The following BACH2 variants were observed in gnomAD, a reference collection of about 807,000 sequenced individuals.
BACH2 encodes the protein transcription regulator protein BACH2.
In BACH2, 5 loss-of-function variants were observed where a neutral mutation model predicts 61.8. The observed-to-expected ratio is 0.08, with a 90% CI of 0.04 to 0.17. The LOEUF (loss-of-function observed/expected upper bound fraction) is 0.17. Ranked by LOEUF, BACH2 falls within the 10% of genes least tolerant of loss-of-function variation. The pLI is 1.00. For synonymous variants in BACH2, 446 were observed against 440.1 expected (o/e 1.01, Z -0.17); for missense variants, 824 against 1,091.1 (o/e 0.76, Z 3.45).
At chr6:90,190,287 T>A (rs910620268) in intron 4 of BACH2, among the ~76,000 whole-genome samples, 1 of 152,200 alleles carries the variant, frequency 6.6e-6, no homozygotes, top group East Asian at 1.9e-4. Flanking sequence ...CGTCTGAGAT[T>A]CCAAATAGGA....
At chr6:90,254,366 G>A (rs1441601845) in intron 2 of BACH2, among the ~76,000 whole-genome samples, 2 of 151,904 alleles carry the variant, frequency 1.3e-5, no homozygotes, top group Non-Finnish European at 1.5e-5. Flanking sequence ...TTTAAAATGG[G>A]TATATTAAAG....
intron 5 of BACH2, among the ~76,000 whole-genome samples, chr6:90,021,299 T>TAAA (rs200724602): frequency 1.8e-4 from 18 of 100,232 alleles, no homozygotes; most frequent in African/African-American, 5.6e-4. Flanking sequence ...AGCAAAAAAG[T>TAAA]AAAAAAAAAA....
chr6:90,146,680 A>G (rs1006389648), intron 4 of BACH2, among the ~76,000 whole-genome samples: 10 of 152,224 alleles, frequency 6.6e-5, no homozygotes, highest in Non-Finnish European at 8.8e-5. Context: ...TGAATAATCA[A>G]ATACATTAAT....
intron 6 of BACH2, among the ~76,000 whole-genome samples, chr6:90,007,357 G>A (rs1360146836): frequency 1.3e-5 from 2 of 151,914 alleles, no homozygotes; most frequent in South Asian, 2.1e-4. Context: ...TTTAAAGATG[G>A]GGTCTTGCTA....
At position 90,294,461 on chromosome 6, in the gene BACH2, T is replaced by C. The variant is rs146472610; in HGVS notation, c.-446+2019A>G. Among the ~76,000 whole-genome samples the C allele has an allele frequency of 4.4e-4, 67 of 152,260 alleles. 1 individual carries two copies. The highest frequency in any genetic ancestry group is 1.5e-3 in the African/African-American group (64 of 41,560). ...AAATTTCTTTCAAAAACCAGAATAC[T>C]AGAAGGGAAAACATTTCAGCCACTC... is the stretch of plus-strand genomic sequence containing the variant. On this transcript the variant is annotated intron_variant, in intron 1 of 8. Coordinates refer to ENST00000257749, the MANE Select transcript of BACH2 (RefSeq NM_021813.4).
chr6:90,235,920 C>G (rs1770247769), intron 3 of BACH2, among the ~76,000 whole-genome samples: 2 of 152,196 alleles, frequency 1.3e-5, no homozygotes, highest in Admixed American at 6.5e-5. Context: ...ATGAATTAAT[C>G]TCTCATAAAT....
intron 4 of BACH2, among the ~76,000 whole-genome samples, chr6:90,103,530 G>A (rs1233020580): frequency 6.6e-6 from 1 of 152,208 alleles, no homozygotes; most frequent in Non-Finnish European, 1.5e-5. Flanking sequence ...AAGAAACTCT[G>A]TTACGAAACT....
intron 4 of BACH2, among the ~76,000 whole-genome samples, chr6:90,147,882 C>T (rs1784678263): frequency 6.6e-6 from 1 of 151,932 alleles, no homozygotes; most frequent in African/African-American, 2.4e-5. Flanking sequence ...TCTAGAATGG[C>T]ATGAATTACC....
chr6:90,146,549 T>C (rs2474616), intron 4 of BACH2, among the ~76,000 whole-genome samples: 5,316 of 152,294 alleles, frequency 0.035, 306 homozygotes, highest in African/African-American at 0.12. Flanking sequence ...CCATAACTGA[T>C]GGTCAACTCT....
In BACH2 at chr6:89,932,603, G is replaced by C. The variant is rs139627462; in HGVS notation, c.2331C>G (p.Pro777=). The C allele has an allele frequency of 1.3e-5, 21 of 1,613,732 alleles. No homozygotes were observed. In the African/African-American group the frequency reaches 2.5e-4, roughly 20 times the overall value. Reference sequence around the variant, plus strand: ...TGTTGCTGGGTGCCCAGGGGGGTCCGGGGGGAGCCGCGCCTGGCTCCAAGC... The same window carrying C: ...TGTTGCTGGGTGCCCAGGGGGGTCCCGGGGGAGCCGCGCCTGGCTCCAAGC... The part of the protein sequence containing the change: ...PCCLEPGAAP[P]GPPWAPSNTS... The change falls in exon 9 of 9, where the codon CCC becomes CCG. Residue 777 remains proline, a synonymous_variant. Transcript: ENST00000257749.
chr6:90,147,469 G>A (rs927358074), intron 4 of BACH2, among the ~76,000 whole-genome samples: 23 of 152,134 alleles, frequency 1.5e-4, no homozygotes, highest in African/African-American at 1.7e-4. Context: ...GAGCCGTTCC[G>A]CGGCAGCCAC....
intron 2 of BACH2, among the ~76,000 whole-genome samples, chr6:90,259,681 G>A (rs9359883): frequency 6.6e-6 from 1 of 152,288 alleles, no homozygotes; most frequent in Non-Finnish European, 1.5e-5. Context: ...GAACTCAGCT[G>A]TGAAGCTATC....
intron 6 of BACH2, among the ~76,000 whole-genome samples, chr6:90,006,924 C>T (rs555735298): frequency 6.6e-6 from 1 of 152,120 alleles, no homozygotes; most frequent in East Asian, 1.9e-4. Flanking sequence ...GGCCCCAGTC[C>T]TCATTTTTAT....
chr6:89,932,286 C>G lies in BACH2; in HGVS notation c.*122G>C. The stretch of plus-strand genomic sequence containing the variant: ...TTCGGAACAGTATTGCTGCTAAGAC[C>G]GCTGTAGTGTGCACCAAATGTGTTC... On this transcript the variant is annotated 3_prime_UTR_variant, in exon 9 of 9. Coordinates refer to ENST00000257749, the MANE Select transcript of BACH2 (RefSeq NM_021813.4). The G allele has an allele frequency of 7.6e-7, 1 of 1,307,462 alleles. No individual in the cohort carries two copies. Among genetic ancestry groups the G allele is most frequent in the Non-Finnish European group, 1.1e-6 (1 of 944,580 alleles). 81.0% of individuals were successfully genotyped at this position (1,307,462 alleles called of 1,614,324 possible). A position where few individuals can be genotyped will look rare whatever the true frequency, so the allele number is the denominator to read the frequency against.
intron 4 of BACH2, among the ~76,000 whole-genome samples, chr6:90,116,543 G>A (rs145573045): frequency 3.8e-4 from 58 of 152,108 alleles, no homozygotes; most frequent in African/African-American, 1.2e-3. Context: ...GCAATAATAT[G>A]TACAACAAAT....
chr6:90,171,239 C>T (rs188039809), intron 4 of BACH2, among the ~76,000 whole-genome samples: 59 of 151,934 alleles, frequency 3.9e-4, no homozygotes, highest in Admixed American at 2.3e-3. Flanking sequence ...GATGAAACCC[C>T]GTCTCTACTA....
At chr6:89,953,412 C>T (rs1382783580) in intron 6 of BACH2, among the ~76,000 whole-genome samples, 1 of 152,104 alleles carries the variant, frequency 6.6e-6, no homozygotes, top group Non-Finnish European at 1.5e-5. Context: ...TTTTAAAGTA[C>T]TCAAGTAAGA....
rs1772577843 is a variant in BACH2, at chr6:89,930,391, A to C, written c.*2017T>G. The C allele has an allele frequency of 6.6e-6, 1 of 152,646 alleles. No individual in the cohort carries two copies. The highest frequency in any genetic ancestry group is 1.5e-5 in the Non-Finnish European group (1 of 68,026). 9.5% of individuals were successfully genotyped at this position (152,646 alleles called of 1,614,324 possible). A position where few individuals can be genotyped will look rare whatever the true frequency, so the allele number is the denominator to read the frequency against. On this transcript the variant is annotated 3_prime_UTR_variant, in exon 9 of 9. Transcript: ENST00000257749. ...TCACTTTTAGCCTACATCATATACT[A>C]ATTTCCCCTTTTACATGCAGCTTTA... is the stretch of plus-strand genomic sequence containing the variant.
At chr6:89,981,888 T>A (rs943530678) in intron 6 of BACH2, among the ~76,000 whole-genome samples, 5 of 152,136 alleles carry the variant, frequency 3.3e-5, no homozygotes, top group African/African-American at 1.2e-4. Context: ...CTCTGTGCTA[T>A]AATTACAGAG....
Sources: allele counts gnomAD v4.1 joint callset (sites outside exome capture counted in the v4.1 genomes callset), GRCh38; gene constraint gnomAD v4.1.1; transcripts MANE v1.5; gene names NCBI Gene and HGNC (gene_info 2026-07-23, HGNC 2026-07-21).